TESK2: variants seen among roughly 807,000 people sequenced by gnomAD.
TESK2 encodes dual specificity testis-specific protein kinase 2.
In TESK2, 39 loss-of-function variants were observed where a neutral mutation model predicts 57.1. The observed-to-expected ratio is 0.68, with a 90% CI of 0.53 to 0.89. The LOEUF (loss-of-function observed/expected upper bound fraction) is 0.89, where lower values mean the gene tolerates loss of function less well. Among genes scored for constraint, TESK2 ranks in the 40% least tolerant of loss-of-function variants. TESK2 has a pLI of 0.00. For missense variants in TESK2, 646 were observed against 732.1 expected, an observed-to-expected ratio of 0.88 and a Z score of 1.36; for synonymous variants, 249 against 267.9, an observed-to-expected ratio of 0.93 and a Z score of 0.69.
intron 4 of TESK2, among the ~76,000 whole-genome samples, chr1:45,369,717 T>C (rs946837140): frequency 1.4e-5 from 2 of 142,832 alleles, no homozygotes; most frequent in African/African-American, 5.1e-5. Context: ...ATAATTTTTC[T>C]TTTTTTTTTT....
intron 1 of TESK2, among the ~76,000 whole-genome samples, chr1:45,477,478 C>T (rs2149306513): frequency 6.6e-6 from 1 of 152,000 alleles, no homozygotes; most frequent in Middle Eastern, 3.4e-3. Context: ...AAAAATTAGC[C>T]GGGCATGATG....
chr1:45,383,364 AT>A (rs1257667401), intron 4 of TESK2, among the ~76,000 whole-genome samples: 5 of 152,196 alleles, frequency 3.3e-5, no homozygotes, highest in African/African-American at 4.8e-5. Context: ...GCATTTGGCT[AT>A]TTGGGCTTCA....
chr1:45,367,501 A>T (rs1647978402), intron 4 of TESK2, among the ~76,000 whole-genome samples: 1 of 150,130 alleles, frequency 6.7e-6, no homozygotes, highest in Non-Finnish European at 1.5e-5. Flanking sequence ...GGCATGTGCC[A>T]CCATGCCTGG....
chr1:45,390,738 G>A (rs1649101381), intron 3 of TESK2, among the ~76,000 whole-genome samples: 1 of 150,540 alleles, frequency 6.6e-6, no homozygotes, highest in African/African-American at 2.5e-5. Flanking sequence ...ACCACGCCTG[G>A]CTAATTTTGG....
At chr1:45,419,785 G>A (rs931611828) in intron 3 of TESK2, among the ~76,000 whole-genome samples, 4 of 151,932 alleles carry the variant, frequency 2.6e-5, no homozygotes. Flanking sequence ...CAGCCTGGGC[G>A]ACAAGAGTGA....
At chr1:45,377,188 C>T (rs1233971645) in intron 4 of TESK2, among the ~76,000 whole-genome samples, 1 of 151,670 alleles carries the variant, frequency 6.6e-6, no homozygotes, top group Non-Finnish European at 1.5e-5. Context: ...CCACTGTATT[C>T]CATCTTAGGT....
At chr1:45,482,885 C>G (rs1395782706) in intron 1 of TESK2, among the ~76,000 whole-genome samples, 1 of 150,274 alleles carries the variant, frequency 6.7e-6, no homozygotes, top group Non-Finnish European at 1.5e-5. Flanking sequence ...GAGGCTGAGG[C>G]AGGAGAATTG....
At chr1:45,376,363 C>T (rs373377566) in intron 4 of TESK2, among the ~76,000 whole-genome samples, 1 of 150,522 alleles carries the variant, frequency 6.6e-6, no homozygotes. Flanking sequence ...TTACAGGCCC[C>T]CGCCACCACG....
chr1:45,432,758 C>T (rs1651025927), intron 2 of TESK2, among the ~76,000 whole-genome samples: 2 of 87,666 alleles, frequency 2.3e-5, no homozygotes, highest in South Asian at 4.7e-4. Flanking sequence ...AATATTATAA[C>T]TTTTTTTTTT....
intron 3 of TESK2, among the ~76,000 whole-genome samples, chr1:45,386,698 A>C (rs1648912727): frequency 6.6e-6 from 1 of 151,734 alleles, no homozygotes; most frequent in African/African-American, 2.4e-5. Context: ...CCTGTTGCCA[A>C]GCTGGAGTAC....
At chr1:45,398,983 GAAAAAAA>G (rs372886401) in intron 3 of TESK2, 17 of 236,646 alleles carry the variant, frequency 7.2e-5, no homozygotes, top group African/African-American at 2.9e-4. Flanking sequence ...ACTAGGACCT[GAAAAAAA>G]AAAAAAAAAA....
chr1:45,464,422 TAA>T (rs34547506), intron 1 of TESK2, among the ~76,000 whole-genome samples: 62 of 121,044 alleles, frequency 5.1e-4, no homozygotes, highest in African/African-American at 6.5e-4. Flanking sequence ...AGACACTGGA[TAA>T]AAAAAAAAAA....
chr1:45,462,031 C>A (rs956231077), intron 1 of TESK2, among the ~76,000 whole-genome samples: 2 of 152,130 alleles, frequency 1.3e-5, no homozygotes, highest in African/African-American at 4.8e-5. Context: ...CTTATTCATT[C>A]TATCTAACTA....
At chr1:45,382,625 C>T (rs1282545703) in intron 4 of TESK2, among the ~76,000 whole-genome samples, 2 of 152,196 alleles carry the variant, frequency 1.3e-5, no homozygotes, top group Non-Finnish European at 2.9e-5. Flanking sequence ...AATCCCAGCA[C>T]TTTGGGAGGC....
intron 4 of TESK2, among the ~76,000 whole-genome samples, chr1:45,379,548 A>C (rs1648565572): frequency 6.6e-6 from 1 of 152,152 alleles, no homozygotes; most frequent in Non-Finnish European, 1.5e-5. Flanking sequence ...CTGATTATAT[A>C]AGGCTTCTTA....
At chr1:45,469,498 A>C (rs1478504416) in intron 1 of TESK2, among the ~76,000 whole-genome samples, 1 of 152,228 alleles carries the variant, frequency 6.6e-6, no homozygotes, top group Non-Finnish European at 1.5e-5. Context: ...AGTGAGACTC[A>C]GGATTCAAAT....
chr1:45,357,867 T>C (rs1647504696), intron 4 of TESK2, among the ~76,000 whole-genome samples: 1 of 151,524 alleles, frequency 6.6e-6, no homozygotes, highest in Admixed American at 6.6e-5. Context: ...TAGCCAGGCA[T>C]GGTGGCGCAT....
intron 2 of TESK2, among the ~76,000 whole-genome samples, chr1:45,442,440 T>C (rs1205034786): frequency 6.6e-6 from 1 of 152,198 alleles, no homozygotes; most frequent in African/African-American, 2.4e-5. Flanking sequence ...ATCATTTTCT[T>C]ACAAGATTTC....
intron 3 of TESK2, among the ~76,000 whole-genome samples, chr1:45,394,151 T>C (rs1048125297): frequency 6.6e-6 from 1 of 151,908 alleles, no homozygotes; most frequent in African/African-American, 2.4e-5. Context: ...AGGGTTGCTT[T>C]TTTTTTTGAG....
Sources: allele counts gnomAD v4.1 joint callset (sites outside exome capture counted in the v4.1 genomes callset), GRCh38; gene constraint gnomAD v4.1.1; transcripts MANE v1.5; gene names NCBI Gene and HGNC (gene_info 2026-07-23, HGNC 2026-07-21).